Variants in SUSD1 observed in about 807,000 individuals in gnomAD.
SUSD1 encodes sushi domain-containing protein 1.
A neutral mutation model predicts 86.9 loss-of-function variants in SUSD1; 65 were observed. The observed-to-expected ratio is 0.75, with a 90% CI of 0.61 to 0.92. The LOEUF (loss-of-function observed/expected upper bound fraction) is 0.92, where lower values mean the gene tolerates loss of function less well. SUSD1 is among the 40% of genes least tolerant of loss of function. The pLI is 0.00. For missense variants in SUSD1, 850 were observed against 929.7 expected (o/e 0.91, Z 1.11); for synonymous variants, 346 against 350.0 (o/e 0.99, Z 0.13).
At chr9:112,060,953 T>C (rs1225709924) in intron 13 of SUSD1, among the ~76,000 whole-genome samples, 2 of 152,202 alleles carry the variant, frequency 1.3e-5, no homozygotes, top group South Asian at 2.1e-4. Context: ...CGACAGAGTA[T>C]GAATCAGCTC....
intron 8 of SUSD1, among the ~76,000 whole-genome samples, chr9:112,108,949 G>A (rs1202211813): frequency 5.3e-5 from 8 of 151,688 alleles, no homozygotes; most frequent in African/African-American, 1.7e-4. Context: ...AATAAAACAC[G>A]CAACCCAAAC....
At chr9:112,045,485 A>G (rs1827916350) in intron 15 of SUSD1, among the ~76,000 whole-genome samples, 1 of 120,288 alleles carries the variant, frequency 8.3e-6, no homozygotes, top group Admixed American at 7.7e-5. Context: ...ATGTCCCCAC[A>G]TTGTCCACAA....
At chr9:112,076,196 G>A (rs1829506976) in intron 12 of SUSD1, among the ~76,000 whole-genome samples, 1 of 152,152 alleles carries the variant, frequency 6.6e-6, no homozygotes, top group African/African-American at 2.4e-5. Flanking sequence ...TTATGGTGAA[G>A]ACTAAGACTA....
At chr9:112,127,818 CTGT>C (rs924745158) in intron 5 of SUSD1, among the ~76,000 whole-genome samples, 3 of 152,132 alleles carry the variant, frequency 2.0e-5, no homozygotes, top group African/African-American at 7.2e-5. Flanking sequence ...GTTGTTGTCG[CTGT>C]TGTTGTGATC....
intron 10 of SUSD1, among the ~76,000 whole-genome samples, chr9:112,086,457 G>A (rs773189416): frequency 5.0e-4 from 76 of 151,564 alleles, no homozygotes; most frequent in Non-Finnish European, 9.1e-4. Flanking sequence ...GTGGCCCAGA[G>A]TAAGCTAGGT....
intron 1 of SUSD1, among the ~76,000 whole-genome samples, chr9:112,165,914 G>GAAAAACA: frequency 1.4e-5 from 1 of 73,186 alleles, no homozygotes; most frequent in East Asian, 4.0e-4. Flanking sequence ...AGGAAGGAAG[G>GAAAAACA]AAGAAAGAAA....
At chr9:112,069,604 T>C (rs1829162119) in intron 12 of SUSD1, among the ~76,000 whole-genome samples, 1 of 152,194 alleles carries the variant, frequency 6.6e-6, no homozygotes, top group Non-Finnish European at 1.5e-5. Context: ...AAATTAACTT[T>C]TTTTATTACG....
At chr9:112,091,829 T>C (rs887552099) in intron 10 of SUSD1, among the ~76,000 whole-genome samples, 13 of 152,242 alleles carry the variant, frequency 8.5e-5, no homozygotes, top group African/African-American at 3.1e-4. Flanking sequence ...GTTATTTTAT[T>C]GAAATTTTTC....
chr9:112,049,709 G>A (rs1443320131), intron 15 of SUSD1, among the ~76,000 whole-genome samples: 1 of 152,186 alleles, frequency 6.6e-6, no homozygotes, highest in African/African-American at 2.4e-5. Flanking sequence ...TTTTGAAAAA[G>A]TAGACTGCCC....
chr9:112,134,216 T>C (rs1385630365), intron 5 of SUSD1, among the ~76,000 whole-genome samples: 1 of 152,218 alleles, frequency 6.6e-6, no homozygotes, highest in Non-Finnish European at 1.5e-5. Flanking sequence ...ATTACTGGTA[T>C]ATATCCAAAA....
chr9:112,162,998 T>C (rs1833634746), intron 1 of SUSD1, among the ~76,000 whole-genome samples: 1 of 152,254 alleles, frequency 6.6e-6, no homozygotes, highest in Non-Finnish European at 1.5e-5. Flanking sequence ...CTTCAAGTTT[T>C]ATGCTTGAAT....
In SUSD1 at chr9:112,058,388, A is replaced by G. The variant is rs1161871358; in HGVS notation, c.2109+40T>C. On this transcript the variant is annotated intron_variant, in intron 14 of 16. Transcript: ENST00000374270. ...CAAACATTTAAATGTCATACGAAGA[A>G]GAAAATACAGAGTTCACAAGAGCTT... 11 of 1,590,388 alleles carry G rather than the reference A, an allele frequency of 6.9e-6. No homozygotes were observed. In the East Asian group the frequency reaches 2.2e-4, roughly 32 times the overall value.
intron 1 of SUSD1, among the ~76,000 whole-genome samples, chr9:112,163,026 A>G (rs971544115): frequency 1.3e-5 from 2 of 152,190 alleles, no homozygotes; most frequent in African/African-American, 2.4e-5. Context: ...ATATGTAATC[A>G]TACGTTCTGA....
At position 112,058,681 on chromosome 9, in the gene SUSD1, T is replaced by A; in HGVS notation, c.1856A>T (p.Tyr619Phe). ...GGCCAGGGGAAGCACTAACACCTGA[T>A]ATGAACTGGAAGAAAAAAGGAGAAG... ...AKEKNGPISSYQVLVLPLALQ... is the reference protein window; with the variant it reads ...AKEKNGPISSFQVLVLPLALQ... The change falls in exon 14 of 17, where the codon TAT becomes TTT. Residue 619 changes from tyrosine to phenylalanine, a missense_variant. Tyr to Phe is a conservative substitution (Grantham distance 22, BLOSUM62 3). Transcript: ENST00000374270. The A allele has an allele frequency of 6.8e-6, 11 of 1,613,990 alleles. No individual in the cohort carries two copies. Among genetic ancestry groups the A allele is most frequent in the Non-Finnish European group, 9.3e-6 (11 of 1,179,950 alleles).
chr9:112,086,822 A>T (rs773235614), intron 10 of SUSD1, among the ~76,000 whole-genome samples: 1 of 148,678 alleles, frequency 6.7e-6, no homozygotes, highest in Non-Finnish European at 1.5e-5. Flanking sequence ...CAGTCTTATC[A>T]AAACAAACAA....
In SUSD1 at chr9:112,040,957, TA is replaced by T. The variant is rs11284956; in HGVS notation, c.*534del. ...CTAATTATAGGAAAAGTACTGTTTCTAAAGTGCTTGAAACATTTGCCTACGT... is the reference window on the plus strand; with the variant it reads ...CTAATTATAGGAAAAGTACTGTTTCTAAGTGCTTGAAACATTTGCCTACGT... On this transcript the variant is annotated 3_prime_UTR_variant, in exon 17 of 17. Transcript: ENST00000374270. The T allele has an allele frequency of 4.9e-3, 802 of 162,362 alleles. 6 individuals carry two copies. The highest frequency in any genetic ancestry group is 0.018 in the African/African-American group (741 of 41,834). 10.1% of individuals were successfully genotyped at this position (162,362 alleles called of 1,614,324 possible).
chr9:112,104,795 TAG>T (rs1373539608), intron 8 of SUSD1: 1 of 152,064 alleles, frequency 6.6e-6, no homozygotes, highest in African/African-American at 2.4e-5. Context: ...ATATCAGACC[TAG>T]ACAGAACTTT....
intron 3 of SUSD1, among the ~76,000 whole-genome samples, chr9:112,144,980 C>T (rs1832746684): frequency 6.6e-6 from 1 of 152,122 alleles, no homozygotes; most frequent in East Asian, 1.9e-4. Context: ...CCTGGGCATG[C>T]CTATGGTCCC....
At chr9:112,163,035 G>GA (rs1833636089) in intron 1 of SUSD1, among the ~76,000 whole-genome samples, 1 of 152,116 alleles carries the variant, frequency 6.6e-6, no homozygotes, top group African/African-American at 2.4e-5. Flanking sequence ...CATACGTTCT[G>GA]AATCTCATTA....
Sources: allele counts gnomAD v4.1 joint callset (sites outside exome capture counted in the v4.1 genomes callset), GRCh38; gene constraint gnomAD v4.1.1; transcripts MANE v1.5; gene names NCBI Gene and HGNC (gene_info 2026-07-23, HGNC 2026-07-21).